PCDHA12: variants seen among roughly 807,000 people sequenced by gnomAD.
PCDHA12 encodes the protein protocadherin alpha 12.
A neutral mutation model predicts 60.0 loss-of-function variants in PCDHA12; 44 were observed. The observed-to-expected ratio is 0.73, with a 90% CI of 0.58 to 0.94. The LOEUF (loss-of-function observed/expected upper bound fraction) is 0.94, where lower values mean the gene tolerates loss of function less well. PCDHA12 is among the 40% of genes least tolerant of loss of function. The pLI is 0.00. For missense variants in PCDHA12, 1,276 were observed against 1,239.7 expected, an observed-to-expected ratio of 1.03 and a Z score of -0.44; for synonymous variants, 569 against 553.0, an observed-to-expected ratio of 1.03 and a Z score of -0.40.
chr5:140,927,530 G>A (rs2084329100), intron 1 of PCDHA12: 2 of 1,614,080 alleles, frequency 1.2e-6, no homozygotes, highest in Non-Finnish European at 1.7e-6. Flanking sequence ...CTACCTGCCC[G>A]CTCAGGAGAC....
At chr5:140,921,616 A>C (rs1369093554) in intron 1 of PCDHA12, among the ~76,000 whole-genome samples, 1 of 152,222 alleles carries the variant, frequency 6.6e-6, no homozygotes, top group African/African-American at 2.4e-5. Flanking sequence ...GAAAAATATC[A>C]TCAGATCATC....
At chr5:140,943,861 A>AG (rs2093579644) in intron 1 of PCDHA12, among the ~76,000 whole-genome samples, 1 of 152,230 alleles carries the variant, frequency 6.6e-6, no homozygotes, top group South Asian at 2.1e-4. Flanking sequence ...AGTCAAGAAG[A>AG]GGTCTCTGAA....
chr5:140,987,165 G>A lies in PCDHA12; in HGVS notation c.2515+4602G>A, dbSNP rs191129148. Among the ~76,000 whole-genome samples, 1,195 of 151,202 alleles carry A rather than the reference G, an allele frequency of 7.9e-3. 19 individuals are homozygous for A. The highest frequency in any genetic ancestry group is 0.027 in the African/African-American group (1,126 of 41,156). On this transcript the variant is annotated intron_variant, in intron 3 of 3. Transcript: ENST00000398631. ...GGAGGTGGAGGTTGCAGTGAGCTGA[G>A]ATTGCACCACTGCACTCCAGCCTGG...
At chr5:140,990,512 CTT>C (rs1323641272) in intron 3 of PCDHA12, among the ~76,000 whole-genome samples, 1 of 152,202 alleles carries the variant, frequency 6.6e-6, no homozygotes, top group African/African-American at 2.4e-5. Context: ...AGTCTTCTCT[CTT>C]GTCTTTTTTG....
intron 3 of PCDHA12, among the ~76,000 whole-genome samples, chr5:140,989,535 GTT>G (rs2097346543): frequency 6.6e-6 from 1 of 152,178 alleles, no homozygotes; most frequent in Non-Finnish European, 1.5e-5. Context: ...GAGGAAGATA[GTT>G]TGTAATTCCT....
intron 1 of PCDHA12, among the ~76,000 whole-genome samples, chr5:140,900,590 G>A (rs984247729): frequency 3.3e-5 from 5 of 152,174 alleles, no homozygotes; most frequent in South Asian, 2.1e-4. Flanking sequence ...TTCTTTACCC[G>A]TTCATCTGAT....
intron 3 of PCDHA12, among the ~76,000 whole-genome samples, chr5:141,000,371 C>G (rs868969531): frequency 6.1e-5 from 3 of 49,260 alleles, no homozygotes; most frequent in Admixed American, 2.7e-4. Flanking sequence ...GTCTCTCTCT[C>G]TCTCTCTCTC....
intron 1 of PCDHA12, among the ~76,000 whole-genome samples, chr5:140,937,771 G>T (rs558321540): frequency 6.6e-6 from 1 of 151,436 alleles, no homozygotes; most frequent in Non-Finnish European, 1.5e-5. Context: ...AATTAGTCGG[G>T]CGTGGTGGCG....
intron 3 of PCDHA12, among the ~76,000 whole-genome samples, chr5:140,997,797 C>T (rs2097786104): frequency 6.6e-6 from 1 of 151,944 alleles, no homozygotes; most frequent in Non-Finnish European, 1.5e-5. Context: ...TATAATTTAT[C>T]CAATTTGCTG....
chr5:140,916,819 C>T (rs2077741305), intron 1 of PCDHA12, among the ~76,000 whole-genome samples: 1 of 152,084 alleles, frequency 6.6e-6, no homozygotes, highest in Non-Finnish European at 1.5e-5. Context: ...CATGTGCCAC[C>T]CCTATCCCTC....
chr5:140,923,508 G>C (rs570497442), intron 1 of PCDHA12, among the ~76,000 whole-genome samples: 1 of 152,222 alleles, frequency 6.6e-6, no homozygotes, highest in Non-Finnish European at 1.5e-5. Flanking sequence ...CAGCCTGGAT[G>C]ATGAAGTGAG....
chr5:140,877,668 C>A lies in PCDHA12; in HGVS notation c.2196C>A (p.Cys732Ter), dbSNP rs782433528. ...CAGCGCCGCCCACCGTGAGCCGGTG[C>A]GCGCCGGGCAAGCCCACGCTGGTGT... Reference protein sequence around the residue: ...RCSAPPTVSRCAPGKPTLVCS... With the variant: ...RCSAPPTVSR Residue 732 changes from cysteine to a stop codon, truncating the protein, a stop_gained, in exon 1 of 4, where the codon TGC (cysteine) becomes TGA (stop). Coordinates refer to ENST00000398631, the MANE Select transcript of PCDHA12 (RefSeq NM_018903.4). LOFTEE classifies it high-confidence loss of function. The A allele has an allele frequency of 3.6e-5, 58 of 1,613,452 alleles. No individual in the cohort carries two copies. The highest frequency in any genetic ancestry group is 5.0e-5 in the Admixed American group (3 of 59,970).
intron 3 of PCDHA12, among the ~76,000 whole-genome samples, chr5:141,001,177 T>G (rs2097996689): frequency 6.6e-6 from 1 of 152,154 alleles, no homozygotes; most frequent in Non-Finnish European, 1.5e-5. Context: ...TAACGAGTTT[T>G]TACTTTGCAC....
At chr5:141,008,557 T>G (rs1394611167) in intron 3 of PCDHA12, among the ~76,000 whole-genome samples, 3 of 152,218 alleles carry the variant, frequency 2.0e-5, no homozygotes, top group African/African-American at 7.2e-5. Flanking sequence ...CTCCTGTGGA[T>G]GCATAATCAT....
intron 3 of PCDHA12, among the ~76,000 whole-genome samples, chr5:141,002,328 C>T (rs1421788305): frequency 3.3e-5 from 5 of 152,250 alleles, no homozygotes; most frequent in Admixed American, 6.5e-5. Flanking sequence ...GGCCGGGCTG[C>T]ATCCGCACCC....
At chr5:140,979,384 G>A (rs1243693033) in intron 2 of PCDHA12, among the ~76,000 whole-genome samples, 3 of 151,896 alleles carry the variant, frequency 2.0e-5, no homozygotes, top group African/African-American at 7.3e-5. Context: ...ATTGTGCAAT[G>A]TATACATACA....
rs1220029307 is a variant in PCDHA12, at chr5:140,877,631, C to A, written c.2159C>A (p.Ala720Glu). The A allele has an allele frequency of 1.2e-6, 2 of 1,613,768 alleles. No homozygotes were observed. Among genetic ancestry groups the A allele is most frequent in the South Asian group, 1.1e-5 (1 of 91,086 alleles). Residue 720 changes from alanine (A) to glutamate (E), a missense_variant, in exon 1 of 4, where the codon GCG becomes GAG. Physicochemically the swap from Ala to Glu is moderately radical, Grantham distance 107. Transcript: ENST00000398631. ...GTGCTCACGCTGCTGCTGTACACTGCGCTGCGTTGCTCAGCGCCGCCCACC... is the reference window on the plus strand; with the variant it reads ...GTGCTCACGCTGCTGCTGTACACTGAGCTGCGTTGCTCAGCGCCGCCCACC... ...LLVLTLLLYTALRCSAPPTVS... is the reference protein window; with the variant it reads ...LLVLTLLLYTELRCSAPPTVS...
intron 1 of PCDHA12, among the ~76,000 whole-genome samples, chr5:140,899,982 A>AT (rs1290251020): frequency 2.0e-5 from 3 of 150,600 alleles, no homozygotes; most frequent in African/African-American, 4.9e-5. Context: ...TACTTTTTTG[A>AT]TTTTTTTTGT....
chr5:140,883,362 C>T lies in PCDHA12; in HGVS notation c.2367+5523C>T, dbSNP rs1554177843. ...CTCCCCATCAGAGAAGACACTCAGC[C>T]TAGCGCCATTATTGCCCTAATCAGT... On this transcript the variant is annotated intron_variant, in intron 1 of 3. Transcript: ENST00000398631. The T allele has an allele frequency of 1.7e-5, 27 of 1,614,074 alleles. No homozygotes were observed. Among genetic ancestry groups the T allele is most frequent in the Non-Finnish European group, 2.3e-5 (27 of 1,180,046 alleles).
Sources: allele counts gnomAD v4.1 joint callset (sites outside exome capture counted in the v4.1 genomes callset), GRCh38; gene constraint gnomAD v4.1.1; transcripts MANE v1.5; gene names NCBI Gene and HGNC (gene_info 2026-07-23, HGNC 2026-07-21).